Variants in MYO16 observed in about 807,000 individuals in gnomAD.
MYO16 encodes unconventional myosin-XVI.
MYO16 carries 94 observed loss-of-function variants against 205.3 expected under a neutral mutation model. The observed-to-expected ratio is 0.46, with a 90% CI of 0.39 to 0.54. MYO16 has a LOEUF of 0.54. Among genes scored for constraint, MYO16 ranks in the 20% least tolerant of loss-of-function variants. The probability of loss-of-function intolerance (pLI) is 0.00; values close to 1 mark genes in which losing one functional copy is unlikely to be tolerated. For synonymous variants in MYO16, 988 were observed against 954.0 expected, an observed-to-expected ratio of 1.04 and a Z score of -0.66; for missense variants, 2,315 against 2,387.5, an observed-to-expected ratio of 0.97 and a Z score of 0.63.
the MYO16 span, among the ~76,000 whole-genome samples, chr13:108,587,006 T>A: frequency 1.3e-5 from 2 of 152,190 alleles, no homozygotes; most frequent in Non-Finnish European, 2.9e-5. Context: ...AGAAAGCCAA[T>A]CACTGAGACA....
At chr13:108,933,004 G>A (rs190784684) in intron 16 of MYO16, among the ~76,000 whole-genome samples, 5 of 151,636 alleles carry the variant, frequency 3.3e-5, no homozygotes, top group African/African-American at 4.8e-5. Flanking sequence ...AGAAGGTGGA[G>A]GATGTGCCTG....
chr13:108,960,465 T>A (rs1883540445), intron 17 of MYO16, among the ~76,000 whole-genome samples: 1 of 152,168 alleles, frequency 6.6e-6, no homozygotes, highest in East Asian at 1.9e-4. Context: ...AAATTAGAGA[T>A]CATTCTTTTC....
intron 11 of MYO16, among the ~76,000 whole-genome samples, chr13:108,863,323 A>G (rs905909192): frequency 6.6e-6 from 1 of 152,140 alleles, no homozygotes; most frequent in Non-Finnish European, 1.5e-5. Context: ...TGTGGTAGCT[A>G]TGCCATAGGT....
chr13:108,972,249 C>CTCTCTCTCTCTCTCTATATA (rs1178345437), intron 20 of MYO16, among the ~76,000 whole-genome samples: 2 of 2,846 alleles, frequency 7.0e-4, no homozygotes, highest in African/African-American at 2.7e-3. Flanking sequence ...CTCTCTCTCT[C>CTCTCTCTCTCTCTCTATATA]TATATATATA....
At chr13:108,602,780 C>T (rs1478174889) in intron 1 of MYO16, among the ~76,000 whole-genome samples, 2 of 152,114 alleles carry the variant, frequency 1.3e-5, no homozygotes, top group Non-Finnish European at 2.9e-5. Flanking sequence ...TAAACTACCA[C>T]CAATGGAATC....
the MYO16 span, among the ~76,000 whole-genome samples, chr13:108,509,259 G>A: frequency 6.6e-6 from 1 of 151,652 alleles, no homozygotes; most frequent in Non-Finnish European, 1.5e-5. Context: ...TGCACAGTAT[G>A]ATACTTGCAC....
intron 16 of MYO16, among the ~76,000 whole-genome samples, chr13:108,921,592 A>G (rs1881748417): frequency 6.6e-6 from 1 of 152,232 alleles, no homozygotes; most frequent in Admixed American, 6.5e-5. Context: ...AGCTGTTAGC[A>G]AAATCATAGC....
intron 20 of MYO16, among the ~76,000 whole-genome samples, chr13:108,967,147 C>CTA (rs34067092): frequency 7.4e-5 from 10 of 134,606 alleles, no homozygotes; most frequent in Middle Eastern, 7.7e-3. Flanking sequence ...TGTATACTGA[C>CTA]TATATATATG....
intron 1 of MYO16, among the ~76,000 whole-genome samples, chr13:108,648,727 G>A (rs565408355): frequency 9.9e-5 from 15 of 151,900 alleles, no homozygotes; most frequent in Non-Finnish European, 1.9e-4. Context: ...TATATTACAC[G>A]AGTCACTTGG....
chr13:108,569,631 C>A, the MYO16 span, among the ~76,000 whole-genome samples: 1 of 152,074 alleles, frequency 6.6e-6, no homozygotes, highest in Non-Finnish European at 1.5e-5. Context: ...TCCAGATACC[C>A]TTTATTCTTT....
intron 2 of MYO16, among the ~76,000 whole-genome samples, chr13:108,669,919 G>A (rs1881911355): frequency 6.6e-6 from 1 of 152,094 alleles, no homozygotes; most frequent in African/African-American, 2.4e-5. Flanking sequence ...ACTGGGGCCT[G>A]TCGGGGGATG....
chr13:108,496,950 TG>T, the MYO16 span, among the ~76,000 whole-genome samples: 1 of 152,200 alleles, frequency 6.6e-6, no homozygotes, highest in African/African-American at 2.4e-5. Flanking sequence ...GAGCCTCTTC[TG>T]AGTTAGTGGC....
intron 1 of MYO16, among the ~76,000 whole-genome samples, chr13:108,648,100 G>C (rs936011461): frequency 1.3e-5 from 2 of 152,172 alleles, no homozygotes; most frequent in African/African-American, 4.8e-5. Context: ...TATGTGGTGA[G>C]CCAACTGCTT....
At chr13:108,827,253 T>C (rs1238107178) in intron 9 of MYO16, among the ~76,000 whole-genome samples, 3 of 152,156 alleles carry the variant, frequency 2.0e-5, no homozygotes, top group South Asian at 2.1e-4. Flanking sequence ...TTTGTTTTTT[T>C]TTCCCCCAGA....
intron 2 of MYO16, among the ~76,000 whole-genome samples, chr13:108,704,598 C>T (rs1277010633): frequency 6.6e-6 from 1 of 152,076 alleles, no homozygotes; most frequent in Non-Finnish European, 1.5e-5. Flanking sequence ...ATAGCCCCTG[C>T]TCTGACACAT....
At chr13:108,775,444 A>C (rs1886093500) in intron 4 of MYO16, among the ~76,000 whole-genome samples, 1 of 152,206 alleles carries the variant, frequency 6.6e-6, no homozygotes, top group Admixed American at 6.5e-5. Flanking sequence ...AAATTATTGA[A>C]TCTGATTGTT....
chr13:108,970,474 A>T (rs1883965723), intron 20 of MYO16, among the ~76,000 whole-genome samples: 4 of 152,192 alleles, frequency 2.6e-5, no homozygotes, highest in Admixed American at 2.6e-4. Context: ...GCATTGGAGC[A>T]GAAATTAAGT....
chr13:109,052,828 T>G (rs1250607677), intron 25 of MYO16, among the ~76,000 whole-genome samples: 2 of 152,306 alleles, frequency 1.3e-5, no homozygotes, highest in Middle Eastern at 3.4e-3. Flanking sequence ...TCTGTTGATA[T>G]TAATCACTTC....
chr13:108,984,968 T>C (rs1219232805), intron 20 of MYO16, among the ~76,000 whole-genome samples: 5 of 152,188 alleles, frequency 3.3e-5, no homozygotes, highest in Admixed American at 3.3e-4. Flanking sequence ...AAGAAGTCTC[T>C]TATTGATATA....
Sources: gnomAD v4.1 joint callset for allele counts (sites outside exome capture counted in the v4.1 genomes callset) on GRCh38, gnomAD v4.1.1 for gene constraint, MANE v1.5 for transcripts, NCBI Gene and HGNC (gene_info 2026-07-23, HGNC 2026-07-21) for gene names.